CA1: variants seen among roughly 807,000 people sequenced by gnomAD.
CA1 encodes carbonate dehydratase I.
Under a neutral mutation model 28.8 loss-of-function variants are expected in CA1, and 27 were observed. That is an observed-to-expected ratio of 0.94 (90% confidence interval 0.69 to 1.29). The LOEUF (loss-of-function observed/expected upper bound fraction) is 1.29, where lower values mean the gene tolerates loss of function less well. Ranked by LOEUF, CA1 falls within the 50% of genes most tolerant of loss-of-function variation. The pLI, the probability that CA1 is intolerant of heterozygous loss-of-function variation, is 0.00. For missense variants in CA1, 335 were observed against 310.5 expected (o/e 1.08, Z -0.59); for synonymous variants, 121 against 108.8 (o/e 1.11, Z -0.70).
intron 1 of CA1, among the ~76,000 whole-genome samples, chr8:85,354,979 G>A (rs1407169224): frequency 6.6e-6 from 1 of 152,186 alleles, no homozygotes; most frequent in Non-Finnish European, 1.5e-5. Flanking sequence ...CTGTGACGTT[G>A]CCTTTGACCT....
At chr8:85,376,969 G>A (rs1810442337) in intron 1 of CA1, among the ~76,000 whole-genome samples, 1 of 152,034 alleles carries the variant, frequency 6.6e-6, no homozygotes. Context: ...TTGCATAAGT[G>A]GATTTACAAT....
intron 1 of CA1, among the ~76,000 whole-genome samples, chr8:85,363,521 G>A (rs997740107): frequency 6.6e-6 from 1 of 152,148 alleles, no homozygotes; most frequent in African/African-American, 2.4e-5. Context: ...CCAGTGTGTT[G>A]GTTACTGTTG....
chr8:85,361,236 T>C (rs1025372324), intron 1 of CA1, among the ~76,000 whole-genome samples: 3 of 152,104 alleles, frequency 2.0e-5, no homozygotes, highest in African/African-American at 7.2e-5. Flanking sequence ...ATCGATCTCT[T>C]TAAGGAAAGA....
chr8:85,332,331 T>A, intron 6 of CA1, 159 bp downstream of exon 6: 1 of 630,318 alleles, frequency 1.6e-6, no homozygotes, highest in Non-Finnish European at 2.9e-6. Flanking sequence ...CATTAGAGAC[T>A]TTCTCAGAGG....
chr8:85,358,771 C>T (rs1447128060), intron 1 of CA1, among the ~76,000 whole-genome samples: 1 of 152,158 alleles, frequency 6.6e-6, no homozygotes, highest in African/African-American at 2.4e-5. Flanking sequence ...CACAGATGAG[C>T]CATGTGAGAA....
intron 2 of CA1, among the ~76,000 whole-genome samples, chr8:85,338,888 G>T (rs1342509518): frequency 2.0e-5 from 3 of 151,328 alleles, no homozygotes; most frequent in African/African-American, 4.9e-5. Flanking sequence ...CAATTTTTTT[G>T]TATTTTTAGT....
intron 1 of CA1, among the ~76,000 whole-genome samples, chr8:85,353,051 A>G (rs969706284): frequency 6.6e-6 from 1 of 152,220 alleles, no homozygotes; most frequent in African/African-American, 2.4e-5. Context: ...AGGGGAGAGT[A>G]CAGGCTGCTT....
intron 2 of CA1, among the ~76,000 whole-genome samples, chr8:85,339,155 C>A (rs975769097): frequency 6.6e-6 from 1 of 152,056 alleles, no homozygotes; most frequent in African/African-American, 2.4e-5. Flanking sequence ...CATTTTATTG[C>A]GCTTCACTTT....
chr8:85,330,608 C>A (rs902263969), intron 6 of CA1, among the ~76,000 whole-genome samples: 1 of 152,070 alleles, frequency 6.6e-6, no homozygotes, highest in African/African-American at 2.4e-5. Flanking sequence ...TAGGTAAATT[C>A]TTTATCAAAT....
At chr8:85,329,982 T>G (rs1386841711) in intron 6 of CA1, 138 bp from the exon 7 acceptor site, 12 of 732,974 alleles carry the variant, frequency 1.6e-5, no homozygotes, top group African/African-American at 7.1e-5. Context: ...TACTATTTAG[T>G]ATTTCATGAC....
At chr8:85,345,646 G>A (rs1191937943) in intron 1 of CA1, among the ~76,000 whole-genome samples, 4 of 152,126 alleles carry the variant, frequency 2.6e-5, no homozygotes, top group Non-Finnish European at 4.4e-5. Context: ...AGAGCAGAAT[G>A]TTATCAGGGA....
chr8:85,361,145 G>A (rs1243047858), intron 1 of CA1, among the ~76,000 whole-genome samples: 1 of 152,122 alleles, frequency 6.6e-6, no homozygotes, highest in Non-Finnish European at 1.5e-5. Flanking sequence ...CACTGGGAGG[G>A]GAAATCTGAA....
rs139840698 is a variant in CA1 at position 85,330,887 on chromosome 8, A to G, written c.514-1043T>C. On this transcript the variant is annotated intron_variant, in intron 6 of 7. Transcript: ENST00000523022. The stretch of plus-strand genomic sequence containing the variant: ...AAATTTTAGGATTTCCTTTAGCTAT[A>G]TTCCTAAGAAAGTTTATCCTATGTT... Among the ~76,000 whole-genome samples, 413 of 152,222 alleles carry G rather than the reference A, an allele frequency of 2.7e-3. 4 individuals carry two copies. The highest frequency in any genetic ancestry group is 9.3e-3 in the African/African-American group (386 of 41,558).
At position 85,348,019 on chromosome 8, in the gene CA1, C is replaced by T. The variant is rs556631109; in HGVS notation, c.-24-6360G>A. ...CCTGGGAATCTATGTTTTTAACAAA[C>T]ATTTCCAGGTAATATATTAAAAACA... On this transcript the variant is annotated intron_variant, in intron 1 of 7. Coordinates refer to ENST00000523022, the MANE Select transcript of CA1 (RefSeq NM_001128831.4). 2.0e-5 allele frequency among the ~76,000 whole-genome samples: 3 copies of T among 152,250 alleles called. No homozygotes were observed. In the East Asian group the frequency reaches 5.8e-4, roughly 29 times the overall value.
At chr8:85,360,968 C>G (rs1809772312) in intron 1 of CA1, among the ~76,000 whole-genome samples, 1 of 152,222 alleles carries the variant, frequency 6.6e-6, no homozygotes, top group South Asian at 2.1e-4. Flanking sequence ...GGAGACCACG[C>G]TCCTGTAGGG....
At chr8:85,362,904 A>T (rs1168049290) in intron 1 of CA1, among the ~76,000 whole-genome samples, 1 of 152,220 alleles carries the variant, frequency 6.6e-6, no homozygotes, top group Non-Finnish European at 1.5e-5. Context: ...GCAATTAAAA[A>T]AACTAAAGAT....
chr8:85,354,523 A>G (rs1056984241), intron 1 of CA1, among the ~76,000 whole-genome samples: 5 of 152,162 alleles, frequency 3.3e-5, no homozygotes, highest in South Asian at 2.1e-4. Context: ...TCACACATAT[A>G]CAAAGTAAAG....
At chr8:85,341,414 T>G (rs985094185) in intron 2 of CA1, 185 bp downstream of exon 2, 14 of 531,596 alleles carry the variant, frequency 2.6e-5, no homozygotes, top group Non-Finnish European at 4.0e-5. Flanking sequence ...ATCAAACATA[T>G]TTTGTAGTCA....
intron 1 of CA1, among the ~76,000 whole-genome samples, chr8:85,360,608 G>T (rs1170527932): frequency 6.6e-6 from 1 of 152,222 alleles, no homozygotes; most frequent in Non-Finnish European, 1.5e-5. Flanking sequence ...CAGAAGGATT[G>T]CTTGAGCCTG....
Sources: allele counts gnomAD v4.1 joint callset (sites outside exome capture counted in the v4.1 genomes callset), GRCh38; gene constraint gnomAD v4.1.1; transcripts MANE v1.5; gene names NCBI Gene and HGNC (gene_info 2026-07-23, HGNC 2026-07-21).